Variants in CDH4 observed in about 807,000 individuals in gnomAD.
CDH4 encodes cadherin-4.
A neutral mutation model predicts 86.0 loss-of-function variants in CDH4; 33 were observed. That is an observed-to-expected ratio of 0.38 (90% CI 0.29 to 0.51). CDH4 has a LOEUF of 0.51. Ranked by LOEUF, CDH4 falls within the 20% of genes least tolerant of loss-of-function variation. The pLI is 0.86. For synonymous variants in CDH4, 555 were observed against 549.4 expected, an observed-to-expected ratio of 1.01 and a Z score of -0.14; for missense variants, 1,114 against 1,307.4, an observed-to-expected ratio of 0.85 and a Z score of 2.28.
intron 2 of CDH4, among the ~76,000 whole-genome samples, chr20:61,313,151 C>T (rs1328695073): frequency 1.3e-5 from 2 of 152,168 alleles, no homozygotes; most frequent in African/African-American, 2.4e-5. Context: ...GAGGCCTGGT[C>T]GTGTTTGAAA....
intron 2 of CDH4, among the ~76,000 whole-genome samples, chr20:61,692,603 G>A (rs2087671801): frequency 6.6e-6 from 1 of 152,186 alleles, no homozygotes; most frequent in Non-Finnish European, 1.5e-5. Flanking sequence ...AATTGGACCA[G>A]GAAATTTTCT....
intron 2 of CDH4, among the ~76,000 whole-genome samples, chr20:61,568,115 G>C (rs1377666205): frequency 6.6e-6 from 1 of 152,190 alleles, no homozygotes; most frequent in Non-Finnish European, 1.5e-5. Context: ...AGCCGTGGCA[G>C]GGTCCCCTTT....
chr20:61,734,733 G>T (rs1220514821), intron 2 of CDH4, among the ~76,000 whole-genome samples: 7 of 152,058 alleles, frequency 4.6e-5, no homozygotes, highest in Non-Finnish European at 1.0e-4. Context: ...TGGGGCCGTG[G>T]GGAGCTCTGG....
chr20:61,624,228 T>C (rs78000223), intron 2 of CDH4, among the ~76,000 whole-genome samples: 3,995 of 152,252 alleles, frequency 0.026, 138 homozygotes, highest in African/African-American at 0.09. Flanking sequence ...ACCTCAGGAA[T>C]CGGGAAGATA....
intron 2 of CDH4, among the ~76,000 whole-genome samples, chr20:61,318,600 A>G (rs2084490900): frequency 6.6e-6 from 1 of 152,208 alleles, no homozygotes; most frequent in East Asian, 1.9e-4. Context: ...CATGGTCCAG[A>G]AGGCCTGGTT....
intron 4 of CDH4, among the ~76,000 whole-genome samples, chr20:61,797,085 C>G (rs1204356799): frequency 2.5e-4 from 2 of 8,124 alleles, no homozygotes; most frequent in Non-Finnish European, 2.0e-4. Context: ...CAGGAAGAGC[C>G]CCCCCCCCCC....
At chr20:61,776,055 A>G (rs1014952884) in intron 4 of CDH4, among the ~76,000 whole-genome samples, 9 of 152,202 alleles carry the variant, frequency 5.9e-5, no homozygotes, top group Middle Eastern at 3.2e-3. Flanking sequence ...GGGCTGGGAC[A>G]GGCCCCATGA....
In CDH4 at chr20:61,546,142, T is replaced by C. The variant is rs1201059609; in HGVS notation, c.170-197421T>C. 9.0e-5 allele frequency among the ~76,000 whole-genome samples: 3 copies of C among 33,404 alleles called. No homozygotes were observed. In the Admixed American group the frequency reaches 1.1e-3, roughly 12 times the overall value. The allele number at this position is 33,404 out of a possible 152,430, so 21.9% of individuals were successfully genotyped here. On this transcript the variant is annotated intron_variant, in intron 2 of 15. Transcript: ENST00000614565. ...TGTGGGGGTATGTGGGATACGGTAT[T>C]TGTTCACATTCGTGAGGGTGTGTGC...
intron 4 of CDH4, among the ~76,000 whole-genome samples, chr20:61,844,146 G>A (rs74957520): frequency 5.9e-5 from 9 of 152,236 alleles, no homozygotes; most frequent in East Asian, 5.8e-4. Flanking sequence ...TCAGAGTTTC[G>A]TGTCTGCCTG....
intron 2 of CDH4, among the ~76,000 whole-genome samples, chr20:61,380,592 G>T (rs1034819098): frequency 1.4e-5 from 2 of 144,798 alleles, no homozygotes; most frequent in South Asian, 4.2e-4. Context: ...AAGTTGCGAT[G>T]ATGAGAAGAT....
intron 2 of CDH4, among the ~76,000 whole-genome samples, chr20:61,425,656 G>T (rs1020399927): frequency 1.6e-4 from 25 of 152,260 alleles, no homozygotes; most frequent in African/African-American, 5.8e-4. Context: ...TGACGGCGCA[G>T]CCTGGACAGG....
chr20:61,583,557 G>A (rs766795808), intron 2 of CDH4, among the ~76,000 whole-genome samples: 2 of 152,150 alleles, frequency 1.3e-5, no homozygotes, highest in Non-Finnish European at 2.9e-5. Context: ...CAGTGGGAGC[G>A]GACAAGGCTG....
intron 2 of CDH4, among the ~76,000 whole-genome samples, chr20:61,454,449 T>A (rs1205285201): frequency 9.9e-5 from 15 of 151,936 alleles, no homozygotes; most frequent in Admixed American, 9.8e-4. Context: ...AGGGGCATTT[T>A]TTTCTTTCTT....
chr20:61,849,630 G>A (rs1026737946), intron 5 of CDH4, among the ~76,000 whole-genome samples: 3 of 152,178 alleles, frequency 2.0e-5, no homozygotes, highest in African/African-American at 7.2e-5. Context: ...GATCCTTGTG[G>A]TTGCAGGACT....
rs565437773 is a variant in CDH4, at chr20:61,449,859, G to A, written c.169+194922G>A. Among the ~76,000 whole-genome samples the A allele has an allele frequency of 2.0e-5, 3 of 152,220 alleles. No individual in the cohort carries two copies. The South Asian group carries it at 6.2e-4, about 32-fold the overall frequency. On this transcript the variant is annotated intron_variant, in intron 2 of 15. Coordinates refer to ENST00000614565, the MANE Select transcript of CDH4 (RefSeq NM_001794.5). ...CTGCATAGATTCTGTGGTATTTTGTGGTACTTCATATGGTAATTTCCATAA... is the reference window on the plus strand; with the variant it reads ...CTGCATAGATTCTGTGGTATTTTGTAGTACTTCATATGGTAATTTCCATAA...
intron 2 of CDH4, among the ~76,000 whole-genome samples, chr20:61,331,040 T>C (rs2084569780): frequency 1.3e-5 from 2 of 152,130 alleles, no homozygotes; most frequent in African/African-American, 4.8e-5. Context: ...TTCGAGATTC[T>C]GCAATTTCAC....
intron 2 of CDH4, among the ~76,000 whole-genome samples, chr20:61,511,278 C>T (rs2085777999): frequency 6.6e-6 from 1 of 152,214 alleles, no homozygotes; most frequent in Admixed American, 6.5e-5. Context: ...TTCACACCAC[C>T]AGAAATCCAC....
intron 8 of CDH4, among the ~76,000 whole-genome samples, chr20:61,896,162 C>A (rs1485883632): frequency 3.3e-5 from 5 of 152,214 alleles, no homozygotes; most frequent in African/African-American, 9.6e-5. Flanking sequence ...GGCCAGGGTG[C>A]GGCCAGGGTA....
intron 9 of CDH4, among the ~76,000 whole-genome samples, chr20:61,912,132 A>G (rs1398248377): frequency 6.6e-6 from 1 of 152,196 alleles, no homozygotes; most frequent in Non-Finnish European, 1.5e-5. Context: ...GTAGGAAATC[A>G]AAAAGGGGGG....
Sources: gnomAD v4.1 joint callset for allele counts (sites outside exome capture counted in the v4.1 genomes callset) on GRCh38, gnomAD v4.1.1 for gene constraint, MANE v1.5 for transcripts, NCBI Gene and HGNC (gene_info 2026-07-23, HGNC 2026-07-21) for gene names.